Variants in TNRC6B observed in about 807,000 individuals in gnomAD.
The protein encoded by TNRC6B is trinucleotide repeat containing adaptor 6B, also known as trinucleotide repeat-containing gene 6B protein.
TNRC6B carries 52 observed loss-of-function variants against 203.6 expected under a neutral mutation model. The ratio of observed to expected loss-of-function variants is 0.26; its 90% confidence interval spans 0.20 to 0.32. The LOEUF (loss-of-function observed/expected upper bound fraction) is 0.32. Ranked by LOEUF, TNRC6B falls within the 10% of genes least tolerant of loss-of-function variation. The pLI is 1.00. For missense variants in TNRC6B, 1,923 were observed against 2,286.2 expected, an observed-to-expected ratio of 0.84 and a Z score of 3.24; for synonymous variants, 838 against 845.7, an observed-to-expected ratio of 0.99 and a Z score of 0.16.
intron 3 of TNRC6B, among the ~76,000 whole-genome samples, chr22:40,154,840 C>CAA (rs57206167): frequency 0.01 from 296 of 29,228 alleles, 8 homozygotes; most frequent in Middle Eastern, 0.042. Context: ...GACTCTATCT[C>CAA]AAAAAAAAAA....
intron 3 of TNRC6B, among the ~76,000 whole-genome samples, chr22:40,149,496 G>A (rs866584545): frequency 7.9e-5 from 12 of 151,798 alleles, no homozygotes; most frequent in South Asian, 4.2e-4. Context: ...GTGAAACCTC[G>A]TCTCTACTAA....
chr22:40,236,331 A>G (rs569193853), intron 1 of TNRC6B, among the ~76,000 whole-genome samples: 1 of 152,278 alleles, frequency 6.6e-6, no homozygotes, highest in African/African-American at 2.4e-5. Flanking sequence ...AATATTATCT[A>G]AATGGAATCT....
At chr22:40,292,137 T>C (rs2070876436) in intron 12 of TNRC6B, among the ~76,000 whole-genome samples, 1 of 152,012 alleles carries the variant, frequency 6.6e-6, no homozygotes, top group Admixed American at 6.6e-5. Context: ...GAGCTTGCAG[T>C]GAGCCGAGAT....
In TNRC6B at chr22:40,155,988, C is replaced by T. The variant is rs141313492; in HGVS notation, c.46-127C>T. 363 of 709,364 alleles carry T rather than the reference C, an allele frequency of 5.1e-4. 6 individuals carry two copies. In the East Asian group the frequency reaches 9.2e-3, roughly 18 times the overall value. The allele number at this position is 709,364 out of a possible 1,614,324, so 43.9% of individuals were successfully genotyped here. On this transcript the variant is annotated intron_variant, in intron 3 of 23. Transcript: ENST00000301923. Reference sequence around the variant, plus strand: ...AAGGAGAAGTTTGAAAACCATTGGCCCAGGCTTCTGTTCTGTGCACCACAG... The same window carrying T: ...AAGGAGAAGTTTGAAAACCATTGGCTCAGGCTTCTGTTCTGTGCACCACAG...
intron 21 of TNRC6B, among the ~76,000 whole-genome samples, chr22:40,319,358 A>G (rs1332293173): frequency 6.6e-6 from 1 of 151,496 alleles, no homozygotes; most frequent in African/African-American, 2.4e-5. Context: ...AAAAAATATT[A>G]AGATGTTTTT....
chr22:40,297,630 T>A (rs970723009), intron 12 of TNRC6B, among the ~76,000 whole-genome samples: 1 of 152,216 alleles, frequency 6.6e-6, no homozygotes, highest in South Asian at 2.1e-4. Flanking sequence ...GAGATCAGCC[T>A]GGCCAATATG....
At position 40,315,280 on chromosome 22, in the gene TNRC6B, C is replaced by G; in HGVS notation, c.4679-3C>G. 6.2e-7 allele frequency: 1 copy of G among 1,613,228 alleles called. No homozygotes were observed. Among genetic ancestry groups the G allele is most frequent in the Non-Finnish European group, 8.5e-7 (1 of 1,179,212 alleles). On this transcript the variant is annotated splice_region_variant and splice_polypyrimidine_tract_variant and intron_variant, in intron 19 of 22. Transcript: ENST00000454349. ...TTCCTTCCTTAATTTTCTCTTCTTA[C>G]AGCAAAGTTCCCTGATTACAAATCA... is the stretch of plus-strand genomic sequence containing the variant.
chr22:40,322,966 G>C lies in TNRC6B; in HGVS notation c.5227G>C (p.Ala1743Pro), dbSNP rs373502898. The C allele has an allele frequency of 3.1e-5, 50 of 1,612,706 alleles. No homozygotes were observed. Among genetic ancestry groups the C allele is most frequent in the Non-Finnish European group, 4.0e-5 (47 of 1,179,360 alleles). ...PTPAATPSAP[A>P]AGWQSLETGQ... Reference sequence around the variant, plus strand: ...ACCTGCAGCAACCCCAAGTGCGCCAGCTGCGGGGTGGCAGTCGCTGGAGAC... The same window carrying C: ...ACCTGCAGCAACCCCAAGTGCGCCACCTGCGGGGTGGCAGTCGCTGGAGAC... The change falls in exon 23 of 23, where the codon GCT becomes CCT. Residue 1743 changes from alanine to proline, a missense_variant. Around this residue, in one of 8 missense-constraint regions of TNRC6B, gnomAD observed 126 missense variants for 137.5 expected, o/e 0.92. Transcript: ENST00000454349.
At chr22:40,298,166 TA>T (rs1382925864) in intron 12 of TNRC6B, among the ~76,000 whole-genome samples, 2 of 151,632 alleles carry the variant, frequency 1.3e-5, no homozygotes, top group East Asian at 1.9e-4. Flanking sequence ...AAAAAATCAT[TA>T]AAAAAAACCC....
chr22:40,120,612 A>G (rs981684355), intron 2 of TNRC6B, among the ~76,000 whole-genome samples: 2 of 152,102 alleles, frequency 1.3e-5, no homozygotes, highest in African/African-American at 4.8e-5. Flanking sequence ...GATATGGAAA[A>G]CTGAACTTAA....
chr22:40,074,979 A>G (rs992785516), intron 1 of TNRC6B, among the ~76,000 whole-genome samples: 2 of 151,574 alleles, frequency 1.3e-5, no homozygotes, highest in East Asian at 1.9e-4. Flanking sequence ...CTGTTACCAT[A>G]AAACACATGC....
chr22:40,072,054 A>G lies in TNRC6B; in HGVS notation c.-121+27056A>G, dbSNP rs1260569685. Among the ~76,000 whole-genome samples the G allele has an allele frequency of 2.6e-5, 4 of 152,148 alleles. No individual in the cohort carries two copies. In the East Asian group the frequency reaches 7.7e-4, roughly 29 times the overall value. On this transcript the variant is annotated intron_variant, in intron 1 of 23. Transcript: ENST00000301923. ...AATCTTTTTGTAGAGACAGGGTCTCACTGTGTTTCCCAGACTGGTCTTGAA... is the reference window on the plus strand; with the variant it reads ...AATCTTTTTGTAGAGACAGGGTCTCGCTGTGTTTCCCAGACTGGTCTTGAA...
At chr22:40,199,171 A>G (rs1018686538) in intron 1 of TNRC6B, among the ~76,000 whole-genome samples, 1 of 152,140 alleles carries the variant, frequency 6.6e-6, no homozygotes, top group East Asian at 1.9e-4. Flanking sequence ...CTGCTGAGTA[A>G]AAAAGAAAAC....
Position 40,261,868 on chromosome 22 carries a change from C to A in TNRC6B, c.152C>A (p.Thr51Lys), listed in dbSNP as rs1442442750. ...EVTKPSLSQP[T>K]AASPIGSSPS... ...ACGAAACCAAGTTTAAGCCAACCAACGGCCGCCAGCCCAATTGGCAGCTCT... is the reference window on the plus strand; with the variant it reads ...ACGAAACCAAGTTTAAGCCAACCAAAGGCCGCCAGCCCAATTGGCAGCTCT... The change falls in exon 4 of 23, where the codon ACG (threonine) becomes AAG (lysine). Residue 51 changes from threonine to lysine, a missense_variant. Around this residue, in one of 8 missense-constraint regions of TNRC6B, gnomAD observed 111 missense variants for 155.3 expected, o/e 0.71. Coordinates refer to ENST00000454349, the MANE Select transcript of TNRC6B (RefSeq NM_001162501.2). 1.9e-6 allele frequency: 3 copies of A among 1,582,444 alleles called. No individual in the cohort carries two copies. Among genetic ancestry groups the A allele is most frequent in the Non-Finnish European group, 2.6e-6 (3 of 1,154,486 alleles).
chr22:40,111,995 G>T (rs1420525060), intron 1 of TNRC6B, among the ~76,000 whole-genome samples: 1 of 152,172 alleles, frequency 6.6e-6, no homozygotes, highest in Admixed American at 6.5e-5. Context: ...CAGCTACTTG[G>T]GAGGCTGAGG....
intron 3 of TNRC6B, among the ~76,000 whole-genome samples, chr22:40,147,236 C>T (rs1178383677): frequency 6.7e-6 from 1 of 148,476 alleles, no homozygotes; most frequent in Non-Finnish European, 1.5e-5. Flanking sequence ...TATAAGGTAA[C>T]TGGAGGAGTC....
chr22:40,089,388 A>G (rs2146295612), intron 1 of TNRC6B, among the ~76,000 whole-genome samples: 1 of 152,116 alleles, frequency 6.6e-6, no homozygotes, highest in South Asian at 2.1e-4. Context: ...ACACACTACC[A>G]CACCCAGCTA....
chr22:40,299,144 C>CAAAAA (rs1252985941), intron 12 of TNRC6B, among the ~76,000 whole-genome samples: 6 of 43,774 alleles, frequency 1.4e-4, no homozygotes, highest in East Asian at 1.3e-3. Context: ...GACCCTGTCT[C>CAAAAA]AAAAAAAAAA....
At chr22:40,061,394 T>G (rs192444489) in intron 1 of TNRC6B, among the ~76,000 whole-genome samples, 112 of 151,934 alleles carry the variant, frequency 7.4e-4, no homozygotes, top group Middle Eastern at 3.4e-3. Context: ...TTTTTTTTTT[T>G]GTATTTTTAG....
Sources: gnomAD v4.1 joint callset for allele counts (sites outside exome capture counted in the v4.1 genomes callset) on GRCh38, gnomAD v4.1.1 for gene constraint, gnomAD v4.1.1 regional missense constraint, MANE v1.5 for transcripts, NCBI Gene and HGNC (gene_info 2026-07-23, HGNC 2026-07-21) for gene names.